The following NOL12 variants were observed in gnomAD, a reference collection of about 807,000 sequenced individuals.
NOL12 encodes nucleolar protein 12.
In NOL12, 21 loss-of-function variants were observed where a neutral mutation model predicts 25.2. That is an observed-to-expected ratio of 0.83 (90% CI 0.59 to 1.20). The LOEUF is 1.20. NOL12 is among the 50% of genes most tolerant of loss of function. The pLI, the probability that NOL12 is intolerant of heterozygous loss-of-function variation, is 0.00. For missense variants in NOL12, 286 were observed against 287.6 expected (o/e 0.99, Z 0.04); for synonymous variants, 133 against 113.8 (o/e 1.17, Z -1.08).
At position 37,686,475 on chromosome 22, in the gene NOL12, G is replaced by A. The variant is rs773770722; in HGVS notation, c.83G>A (p.Arg28Gln). The A allele has an allele frequency of 1.3e-6, 2 of 1,597,818 alleles. No homozygotes were observed. The highest frequency in any genetic ancestry group is 1.8e-5 in the Admixed American group (1 of 57,134). The change falls in exon 1 of 6, where the codon CGG becomes CAG. Residue 28 changes from arginine (R) to glutamine (Q), a missense_variant and splice_region_variant. Coordinates refer to ENST00000359114, the MANE Select transcript of NOL12 (RefSeq NM_024313.3). ...CTTAGCTTCGACGAGGAGAAGAGGC[G>A]GTGAGTGGCAAAGCCGGACCGGACT... is the stretch of plus-strand genomic sequence containing the variant. ...LVLSFDEEKR[R>Q]EYLTGFHKRK...
intron 2 of NOL12, 144 bp downstream of exon 2, chr22:37,688,159 T>G: frequency 9.4e-7 from 1 of 1,059,836 alleles, no homozygotes; most frequent in Non-Finnish European, 1.4e-6. Flanking sequence ...GGAGACTCTG[T>G]GGGCCCGGGT....
rs146152603 is a variant in NOL12 at position 37,691,527 on chromosome 22, C to T, written c.*191C>T. 11 of 613,220 alleles carry T rather than the reference C, an allele frequency of 1.8e-5. No individual in the cohort carries two copies. Among genetic ancestry groups the T allele is most frequent in the South Asian group, 1.7e-4 (5 of 30,136 alleles). The allele number at this position is 613,220 out of a possible 1,614,324, so 38.0% of individuals were successfully genotyped here. The stretch of plus-strand genomic sequence containing the variant: ...TGCCTTTGCCTGGGGTTTGAATTCC[C>T]GAAGGAGCAGGCAGCTGAGAGCAGG... On this transcript the variant is annotated 3_prime_UTR_variant, in exon 6 of 6. Transcript: ENST00000359114.
chr22:37,688,100 C>CA, intron 2 of NOL12, 85 bp downstream of exon 2: 3 of 1,256,644 alleles, frequency 2.4e-6, no homozygotes, highest in Non-Finnish European at 3.4e-6. Flanking sequence ...CAGCTGCTGG[C>CA]ATGGGGCGAT....
At chr22:37,686,849 T>C in intron 1 of NOL12, 3 of 985,440 alleles carry the variant, frequency 3.0e-6, no homozygotes, top group Non-Finnish European at 3.6e-6. Context: ...ATTCGCTCCC[T>C]AGACATTTAT....
rs756137641 is a variant in NOL12, at chr22:37,686,405, A to C, written c.13A>C (p.Lys5Gln). 1.2e-5 allele frequency: 19 copies of C among 1,603,362 alleles called. No homozygotes were observed. Among genetic ancestry groups the C allele is most frequent in the Non-Finnish European group, 1.6e-5 (19 of 1,176,038 alleles). Residue 5 changes from lysine (K) to glutamine (Q), a missense_variant, in exon 1 of 6, where the codon AAG becomes CAG. Coordinates refer to ENST00000359114, the MANE Select transcript of NOL12 (RefSeq NM_024313.3). ...CGGCCTCACTGCTATGGGCCGCAAC[A>C]AGAAGAAGAAGCGAGATGGTGACGA... MGRN[K>Q]KKKRDGDDRR...
rs183835512 is a variant in NOL12, at chr22:37,686,644, C to A, written c.83+169C>A. 3 of 985,400 alleles carry A rather than the reference C, an allele frequency of 3.0e-6. No individual in the cohort carries two copies. The East Asian group carries it at 3.4e-4, about 112-fold the overall frequency. 61.0% of individuals were successfully genotyped at this position (985,400 alleles called of 1,614,324 possible). A position where few individuals can be genotyped will look rare whatever the true frequency, so the allele number is the denominator to read the frequency against. ...GCGTTCCCGCTTCTCCCTTCTCGGC[C>A]GCCACCTTCTCCCTTCTTGACCTCC... On this transcript the variant is annotated intron_variant, in intron 1 of 5. Transcript: ENST00000359114.
chr22:37,688,511 C>G, intron 3 of NOL12, 151 bp downstream of exon 3: 1 of 773,962 alleles, frequency 1.3e-6, no homozygotes. Context: ...CCTCTAAGTG[C>G]AAGTGGAACA....
Position 37,686,457 on chromosome 22 carries a change from T to C in NOL12, c.65T>C (p.Phe22Ser), listed in dbSNP as rs1330201606. 3 of 1,602,986 alleles carry C rather than the reference T, an allele frequency of 1.9e-6. No individual in the cohort carries two copies. Among genetic ancestry groups the C allele is most frequent in the Non-Finnish European group, 2.6e-6 (3 of 1,175,956 alleles). ...CGGCGGCCGAGGCTCGTTCTTAGCT[T>C]CGACGAGGAGAAGAGGCGGTGAGTG... ...DDRRPRLVLS[F>S]DEEKRREYLT... The change falls in exon 1 of 6, where the codon TTC (phenylalanine) becomes TCC (serine). Residue 22 changes from phenylalanine (F) to serine (S), a missense_variant. Coordinates refer to ENST00000359114, the MANE Select transcript of NOL12 (RefSeq NM_024313.3).
Position 37,692,553 on chromosome 22 carries a change from G to A in NOL12, c.*1217G>A, listed in dbSNP as rs184257969. ...CCTGGGCAGGAGAGAATTTCAGGTT[G>A]TGCCTTGGTTAGAGGAGCTGTGTTG... On this transcript the variant is annotated 3_prime_UTR_variant, in exon 6 of 6. Coordinates refer to ENST00000359114, the MANE Select transcript of NOL12 (RefSeq NM_024313.3). 40 of 398,668 alleles carry A rather than the reference G, an allele frequency of 1.0e-4. No homozygotes were observed. The highest frequency in any genetic ancestry group is 1.8e-5 in the Non-Finnish European group (4 of 226,094). 24.7% of individuals were successfully genotyped at this position (398,668 alleles called of 1,614,324 possible). A position where few individuals can be genotyped will look rare whatever the true frequency, so the allele number is the denominator to read the frequency against.
At position 37,688,403 on chromosome 22, in the gene NOL12, C is replaced by T. The variant is rs1402982555; in HGVS notation, c.238+43C>T. On this transcript the variant is annotated intron_variant, in intron 3 of 5. Transcript: ENST00000359114. The stretch of plus-strand genomic sequence containing the variant: ...CCTGACCTGGAGAACAGCTGATGGG[C>T]CTGGTTTATACCCTTGGTGGGTGGA... 8 of 1,596,064 alleles carry T rather than the reference C, an allele frequency of 5.0e-6. No individual in the cohort carries two copies. In the South Asian group the frequency reaches 8.8e-5, roughly 18 times the overall value.
chr22:37,689,131 G>C (rs75700230), intron 4 of NOL12, 139 bp downstream of exon 4: 48,154 of 1,075,164 alleles, frequency 0.045, 1,381 homozygotes, highest in South Asian at 0.092. Context: ...CTGGCTTGTC[G>C]GGGTTGCTCA....
intron 5 of NOL12, 153 bp from the exon 6 acceptor site, chr22:37,691,021 T>C (rs1922043051): frequency 2.2e-6 from 2 of 902,882 alleles, no homozygotes; most frequent in Non-Finnish European, 3.4e-6. Flanking sequence ...TGAGCTGAGT[T>C]GCTGGCAGGC....
intron 1 of NOL12, chr22:37,686,742 C>T (rs2145794774): frequency 1.0e-6 from 1 of 985,470 alleles, no homozygotes; most frequent in East Asian, 1.1e-4. Context: ...TTCGACCACC[C>T]TAGCCCAGCC....
intron 1 of NOL12, 99 bp downstream of exon 1, chr22:37,686,574 C>A: frequency 7.1e-7 from 1 of 1,409,352 alleles, no homozygotes; most frequent in South Asian, 1.6e-5. Context: ...TCTTCCGGTC[C>A]CGCCCCCTGG....
Position 37,693,414 on chromosome 22 carries a change from A to T in NOL12, c.*2078A>T, listed in dbSNP as rs1199260868. The T allele has an allele frequency of 1.3e-5, 2 of 152,448 alleles. No individual in the cohort carries two copies. The highest frequency in any genetic ancestry group is 6.5e-5 in the Admixed American group (1 of 15,276). 9.4% of individuals were successfully genotyped at this position (152,448 alleles called of 1,614,324 possible). A position where few individuals can be genotyped will look rare whatever the true frequency, so the allele number is the denominator to read the frequency against. ...TTCTCCCCTCTCCAGTGACAAGGTCATTTACAACTTACATTTACAATTTAT... is the reference window on the plus strand; with the variant it reads ...TTCTCCCCTCTCCAGTGACAAGGTCTTTTACAACTTACATTTACAATTTAT... On this transcript the variant is annotated 3_prime_UTR_variant, in exon 6 of 6. Coordinates refer to ENST00000359114, the MANE Select transcript of NOL12 (RefSeq NM_024313.3).
intron 4 of NOL12, among the ~76,000 whole-genome samples, chr22:37,689,245 G>A (rs933290282): frequency 5.3e-5 from 8 of 152,230 alleles, no homozygotes; most frequent in African/African-American, 1.7e-4. Flanking sequence ...ACTGCTGAGC[G>A]GCTGAGGAGC....
chr22:37,687,759 T>G, intron 1 of NOL12, 151 bp from the exon 2 acceptor site: 20 of 560,154 alleles, frequency 3.6e-5, no homozygotes, highest in Non-Finnish European at 3.6e-5. Context: ...TGCCTGGCCA[T>G]TGTTGTGAAG....
Position 37,691,354 on chromosome 22 carries a change from T to G in NOL12, c.*18T>G. 3 of 1,593,342 alleles carry G rather than the reference T, an allele frequency of 1.9e-6. No individual in the cohort carries two copies. Among genetic ancestry groups the G allele is most frequent in the South Asian group, 2.2e-5 (2 of 89,298 alleles). On this transcript the variant is annotated 3_prime_UTR_variant, in exon 6 of 6. Transcript: ENST00000359114. ...GGGAGTGAGACCGAGAACGAAGCGG[T>G]GCCCCAGTCTAGGCTGCGGGGACCT...
At position 37,691,528 on chromosome 22, in the gene NOL12, G is replaced by A. The variant is rs1449930586; in HGVS notation, c.*192G>A. On this transcript the variant is annotated 3_prime_UTR_variant, in exon 6 of 6. Coordinates refer to ENST00000359114, the MANE Select transcript of NOL12 (RefSeq NM_024313.3). The stretch of plus-strand genomic sequence containing the variant: ...GCCTTTGCCTGGGGTTTGAATTCCC[G>A]AAGGAGCAGGCAGCTGAGAGCAGGC... 4 of 616,890 alleles carry A rather than the reference G, an allele frequency of 6.5e-6. No homozygotes were observed. Among genetic ancestry groups the A allele is most frequent in the Middle Eastern group, 4.6e-4 (1 of 2,180 alleles). 38.2% of individuals were successfully genotyped at this position (616,890 alleles called of 1,614,324 possible).
Sources: allele counts gnomAD v4.1 joint callset (sites outside exome capture counted in the v4.1 genomes callset), GRCh38; gene constraint gnomAD v4.1.1; transcripts MANE v1.5; gene names NCBI Gene and HGNC (gene_info 2026-07-23, HGNC 2026-07-21).